The following GRB14 variants were observed in gnomAD, a reference collection of about 807,000 sequenced individuals.
GRB14 encodes growth factor receptor-bound protein 14.
In GRB14, 38 loss-of-function variants were observed where a neutral mutation model predicts 69.1. That is an observed-to-expected ratio of 0.55 (90% CI 0.42 to 0.72). The LOEUF is 0.72. Among genes scored for constraint, GRB14 ranks in the 30% least tolerant of loss-of-function variants. The pLI is 0.00. For missense variants in GRB14, 666 were observed against 666.1 expected (o/e 1.00, Z 0.00); for synonymous variants, 247 against 241.3 (o/e 1.02, Z -0.22).
At position 164,577,178 on chromosome 2, in the gene GRB14, T is replaced by C. The variant is rs148400832; in HGVS notation, c.325-29362A>G. Among the ~76,000 whole-genome samples the C allele has an allele frequency of 5.4e-3, 825 of 152,324 alleles. 12 individuals are homozygous for C. The highest frequency in any genetic ancestry group is 0.019 in the African/African-American group (781 of 41,564). ...CGGTTTGATTTACAAAAAAATTCTATATAACCTTTAAGGAACAGATCATTT... is the reference window on the plus strand; with the variant it reads ...CGGTTTGATTTACAAAAAAATTCTACATAACCTTTAAGGAACAGATCATTT... On this transcript the variant is annotated intron_variant, in intron 2 of 13. Transcript: ENST00000263915.
At chr2:164,532,206 C>T (rs1687959915) in intron 3 of GRB14, among the ~76,000 whole-genome samples, 1 of 152,154 alleles carries the variant, frequency 6.6e-6, no homozygotes, top group South Asian at 2.1e-4. Flanking sequence ...TTGATAAAAA[C>T]TGCATTGATT....
At chr2:164,611,481 T>C (rs1173896229) in intron 2 of GRB14, among the ~76,000 whole-genome samples, 1 of 151,886 alleles carries the variant, frequency 6.6e-6, no homozygotes, top group Non-Finnish European at 1.5e-5. Flanking sequence ...AAATAAATGA[T>C]TTGAGGGTGG....
chr2:164,617,717 C>T (rs1690333121), intron 2 of GRB14, among the ~76,000 whole-genome samples: 1 of 152,134 alleles, frequency 6.6e-6, no homozygotes, highest in Non-Finnish European at 1.5e-5. Flanking sequence ...CTTCCCTTTA[C>T]TTTCCTTCTG....
chr2:164,512,106 A>G (rs1687354846), intron 6 of GRB14, among the ~76,000 whole-genome samples: 1 of 152,120 alleles, frequency 6.6e-6, no homozygotes, highest in Admixed American at 6.5e-5. Flanking sequence ...AGTGCCTGCT[A>G]AGCCACAGTA....
In GRB14 at chr2:164,508,689, A is replaced by G; in HGVS notation, c.927+53T>C. On this transcript the variant is annotated intron_variant, in intron 7 of 13. Coordinates refer to ENST00000263915, the MANE Select transcript of GRB14 (RefSeq NM_004490.3). Reference sequence around the variant, plus strand: ...AAGCAATTAAAGGAAACTCAAGCTTACCTAAAAGGCTGAGGCTTGCTTTAT... The same window carrying G: ...AAGCAATTAAAGGAAACTCAAGCTTGCCTAAAAGGCTGAGGCTTGCTTTAT... 4.8e-6 allele frequency: 7 copies of G among 1,471,414 alleles called. No homozygotes were observed. The South Asian group carries it at 8.6e-5, about 18-fold the overall frequency. The allele number at this position is 1,471,414 out of a possible 1,614,324, so 91.1% of individuals were successfully genotyped here. A position where few individuals can be genotyped will look rare whatever the true frequency, so the allele number is the denominator to read the frequency against.
At chr2:164,520,568 C>G (rs1179458291) in intron 6 of GRB14, among the ~76,000 whole-genome samples, 1 of 152,060 alleles carries the variant, frequency 6.6e-6, no homozygotes, top group Admixed American at 6.5e-5. Flanking sequence ...AGTAAACAGA[C>G]AACTCACAGA....
intron 2 of GRB14, among the ~76,000 whole-genome samples, chr2:164,592,706 CTT>C (rs1269366708): frequency 2.0e-5 from 3 of 152,206 alleles, no homozygotes; most frequent in Non-Finnish European, 2.9e-5. Flanking sequence ...CATTGTAAGA[CTT>C]CTCTCTCTGC....
chr2:164,575,861 C>A (rs1427418407), intron 2 of GRB14, among the ~76,000 whole-genome samples: 5 of 151,924 alleles, frequency 3.3e-5, no homozygotes, highest in Non-Finnish European at 7.4e-5. Context: ...TTTCAAAAAT[C>A]TATAAATTGG....
intron 2 of GRB14, among the ~76,000 whole-genome samples, chr2:164,585,769 C>A (rs1342079474): frequency 2.6e-5 from 4 of 151,974 alleles, no homozygotes; most frequent in Non-Finnish European, 4.4e-5. Context: ...AATATAAAAA[C>A]CTGTAAAGTC....
At chr2:164,592,216 G>A (rs527618433) in intron 2 of GRB14, among the ~76,000 whole-genome samples, 18 of 151,958 alleles carry the variant, frequency 1.2e-4, no homozygotes, top group African/African-American at 4.1e-4. Context: ...CTCACTGCAA[G>A]CTCCGCCTCC....
At chr2:164,525,110 A>G (rs1192731103) in intron 4 of GRB14, 32 bp from the exon 5 acceptor site, 2 of 1,334,662 alleles carry the variant, frequency 1.5e-6, no homozygotes, top group Non-Finnish European at 2.1e-6. Flanking sequence ...ATTATCACAA[A>G]ATTCATGCTA....
chr2:164,615,402 A>G (rs1002147974), intron 2 of GRB14, among the ~76,000 whole-genome samples: 11 of 152,220 alleles, frequency 7.2e-5, no homozygotes, highest in African/African-American at 2.7e-4. Context: ...AGGTCCTTAG[A>G]TGAATATTAA....
At chr2:164,547,239 A>C (rs1688403256) in intron 3 of GRB14, among the ~76,000 whole-genome samples, 1 of 152,214 alleles carries the variant, frequency 6.6e-6, no homozygotes, top group Non-Finnish European at 1.5e-5. Context: ...CCAGCAAGAC[A>C]GCGATATGTG....
chr2:164,613,572 TG>T (rs1558884896), intron 2 of GRB14, among the ~76,000 whole-genome samples: 3 of 152,192 alleles, frequency 2.0e-5, no homozygotes, highest in Non-Finnish European at 4.4e-5. Flanking sequence ...CAAGCAACAC[TG>T]CAAAGAAATC....
intron 4 of GRB14, among the ~76,000 whole-genome samples, chr2:164,525,611 C>T (rs1279347258): frequency 1.3e-5 from 2 of 151,984 alleles, no homozygotes; most frequent in African/African-American, 4.8e-5. Flanking sequence ...AATAGGAATT[C>T]CCAGGCCTCA....
At chr2:164,560,201 A>C (rs1688786287) in intron 2 of GRB14, among the ~76,000 whole-genome samples, 1 of 152,240 alleles carries the variant, frequency 6.6e-6, no homozygotes, top group Admixed American at 6.5e-5. Context: ...TGCTGCTTCT[A>C]CATGACATCT....
intron 8 of GRB14, among the ~76,000 whole-genome samples, chr2:164,505,057 C>G (rs1687154357): frequency 6.6e-6 from 1 of 152,192 alleles, no homozygotes; most frequent in African/African-American, 2.4e-5. Context: ...AAATGCAGCT[C>G]TGCCAACACC....
intron 2 of GRB14, among the ~76,000 whole-genome samples, chr2:164,572,251 T>C (rs149954121): frequency 1.3e-5 from 2 of 152,172 alleles, no homozygotes; most frequent in Non-Finnish European, 2.9e-5. Context: ...AAAAGTACCA[T>C]CCAACCTCTA....
intron 2 of GRB14, among the ~76,000 whole-genome samples, chr2:164,598,458 C>A (rs1156290815): frequency 6.6e-6 from 1 of 152,088 alleles, no homozygotes; most frequent in Non-Finnish European, 1.5e-5. Flanking sequence ...TTTCTAGTAT[C>A]TTTTACTATA....
Sources: allele counts gnomAD v4.1 joint callset (sites outside exome capture counted in the v4.1 genomes callset), GRCh38; gene constraint gnomAD v4.1.1; transcripts MANE v1.5; gene names NCBI Gene and HGNC (gene_info 2026-07-23, HGNC 2026-07-21).